Variants in TNN observed in about 807,000 individuals in gnomAD.
TNN encodes the protein tenascin N, also known as tenascin-N.
Under a neutral mutation model 134.4 loss-of-function variants are expected in TNN, and 122 were observed. The observed-to-expected ratio is 0.91, with a 90% CI of 0.78 to 1.06. The LOEUF is 1.06. TNN is among the 50% of genes least tolerant of loss of function. The pLI is 0.00. For synonymous variants in TNN, 710 were observed against 670.3 expected (o/e 1.06, Z -0.91); for missense variants, 1,739 against 1,699.4 (o/e 1.02, Z -0.41).
In TNN at chr1:175,098,497, T is replaced by C; in HGVS notation, c.2021T>C (p.Val674Ala). Residue 674 changes from valine to alanine, a missense_variant, in exon 9 of 19, where the codon GTC becomes GCC. Transcript: ENST00000239462. ...VPVGKEQSST[V>A]LTGLRPGMEY... Reference sequence around the variant, plus strand: ...GTGGGGAAGGAGCAGAGCAGCACAGTCCTGACAGGCCTGAGACCGGGTATG... The same window carrying C: ...GTGGGGAAGGAGCAGAGCAGCACAGCCCTGACAGGCCTGAGACCGGGTATG... The C allele has an allele frequency of 6.2e-7, 1 of 1,613,964 alleles. No homozygotes were observed. The highest frequency in any genetic ancestry group is 8.5e-7 in the Non-Finnish European group (1 of 1,179,960).
chr1:175,071,912 C>T (rs1406192739), intron 1 of TNN, among the ~76,000 whole-genome samples: 1 of 152,232 alleles, frequency 6.6e-6, no homozygotes, highest in Admixed American at 6.5e-5. Context: ...CAAAATATTA[C>T]TTTGGCAGGA....
chr1:175,127,316 A>G (rs1327463606), intron 13 of TNN, among the ~76,000 whole-genome samples: 1 of 152,258 alleles, frequency 6.6e-6, no homozygotes, highest in Non-Finnish European at 1.5e-5. Context: ...TGCATAGGAC[A>G]GTGCTTAGCA....
intron 15 of TNN, 93 bp downstream of exon 15, chr1:175,128,839 C>G (rs930125697): frequency 7.6e-7 from 1 of 1,313,628 alleles, no homozygotes; most frequent in Admixed American, 3.0e-5. Flanking sequence ...TGTTTGGAGC[C>G]CTATTTCTTC....
In TNN at chr1:175,094,006, C is replaced by A. The variant is rs749472964; in HGVS notation, c.1341C>A (p.Thr447=). Residue 447 remains threonine (T), a synonymous_variant, in exon 7 of 19, where the codon ACC becomes ACA. Transcript: ENST00000239462. The part of the protein sequence containing the change: ...LNGRTEIDSP[T]NVVTDRVTED... The stretch of plus-strand genomic sequence containing the variant: ...TTTATGAAGAAATTGACAGTCCAAC[C>A]AATGTTGTCACTGATCGAGTGACTG... 1.2e-5 allele frequency: 20 copies of A among 1,601,242 alleles called. No homozygotes were observed. Among genetic ancestry groups the A allele is most frequent in the Non-Finnish European group, 1.7e-5 (20 of 1,170,450 alleles).
chr1:175,116,906 T>C, intron 9 of TNN, 33 bp from the exon 10 acceptor site: 3 of 1,614,170 alleles, frequency 1.9e-6, no homozygotes, highest in Non-Finnish European at 2.5e-6. Flanking sequence ...TACCAGTTCA[T>C]AGTGTTCATT....
intron 9 of TNN, among the ~76,000 whole-genome samples, chr1:175,115,494 C>T (rs77358114): frequency 0.013 from 1,995 of 152,182 alleles, 42 homozygotes; most frequent in African/African-American, 0.046. Context: ...GATGTGGAGT[C>T]GTTCCACTGC....
At chr1:175,119,133 T>G (rs1675274148) in intron 11 of TNN, among the ~76,000 whole-genome samples, 1 of 152,064 alleles carries the variant, frequency 6.6e-6, no homozygotes, top group African/African-American at 2.4e-5. Context: ...GAAAGCAAGT[T>G]TATTAGGAAA....
chr1:175,117,808 A>G (rs1441473507), intron 10 of TNN, among the ~76,000 whole-genome samples: 2 of 152,208 alleles, frequency 1.3e-5, no homozygotes, highest in African/African-American at 2.4e-5. Flanking sequence ...CTTAAACAAG[A>G]AAGGAGCGTA....
Position 175,077,383 on chromosome 1 carries a change from G to C in TNN, c.-35-1G>C. ...TTCTTTTGCAATGTTTCTGAATACAGGCATCCTGGAGGGTCTGCTCCCTGT... is the reference window on the plus strand; with the variant it reads ...TTCTTTTGCAATGTTTCTGAATACACGCATCCTGGAGGGTCTGCTCCCTGT... On this transcript the variant is annotated splice_acceptor_variant, in intron 1 of 18. Coordinates refer to ENST00000239462, the MANE Select transcript of TNN (RefSeq NM_022093.2). LOFTEE classifies it low-confidence loss of function (5UTR_SPLICE). 3 of 1,571,210 alleles carry C rather than the reference G, an allele frequency of 1.9e-6. No individual in the cohort carries two copies. The highest frequency in any genetic ancestry group is 2.6e-6 in the Non-Finnish European group (3 of 1,157,964).
intron 11 of TNN, among the ~76,000 whole-genome samples, chr1:175,122,481 C>T (rs1443795669): frequency 7.9e-5 from 2 of 25,474 alleles, no homozygotes; most frequent in Non-Finnish European, 1.9e-4. Context: ...GAAGAAGAGC[C>T]AGTGAGTTAG....
At chr1:175,087,418 C>T (rs56226643) in intron 6 of TNN, among the ~76,000 whole-genome samples, 23,712 of 152,152 alleles carry the variant, frequency 0.16, 1,980 homozygotes, top group Non-Finnish European at 0.19. Flanking sequence ...ACCTTTTATC[C>T]GGCGTAGGAA....
intron 9 of TNN, among the ~76,000 whole-genome samples, chr1:175,113,168 C>T (rs74128574): frequency 0.14 from 21,358 of 152,088 alleles, 1,799 homozygotes; most frequent in East Asian, 0.35. Flanking sequence ...TTTCTATGTT[C>T]TCATGATTGT....
chr1:175,120,331 G>C lies in TNN; in HGVS notation c.2650+1507G>C, dbSNP rs1013847409. On this transcript the variant is annotated intron_variant, in intron 11 of 18. Coordinates refer to ENST00000239462, the MANE Select transcript of TNN (RefSeq NM_022093.2). The stretch of plus-strand genomic sequence containing the variant: ...CTGTGAAGGAGATGAACATGGTGTA[G>C]GTATAGAGAATTACAGGGTAAGGAT... Among the ~76,000 whole-genome samples the C allele has an allele frequency of 2.0e-5, 3 of 152,322 alleles. No homozygotes were observed. In the East Asian group the frequency reaches 5.8e-4, roughly 29 times the overall value.
At chr1:175,108,211 C>T (rs1186641243) in intron 9 of TNN, among the ~76,000 whole-genome samples, 1 of 151,810 alleles carries the variant, frequency 6.6e-6, no homozygotes, top group East Asian at 2.0e-4. Flanking sequence ...GGGGTATTTA[C>T]AATCCCTGAG....
intron 9 of TNN, among the ~76,000 whole-genome samples, chr1:175,109,454 G>C (rs896298009): frequency 4.0e-5 from 6 of 151,866 alleles, no homozygotes; most frequent in African/African-American, 1.5e-4. Flanking sequence ...ACACTTCCTA[G>C]CCTCTGGCAA....
At chr1:175,089,317 G>A (rs868718791) in intron 6 of TNN, among the ~76,000 whole-genome samples, 1 of 152,194 alleles carries the variant, frequency 6.6e-6, no homozygotes, top group Non-Finnish European at 1.5e-5. Context: ...GAGGCACCCA[G>A]TGTAACTAAC....
chr1:175,070,127 GC>G (rs1295590518), intron 1 of TNN, among the ~76,000 whole-genome samples: 1 of 152,168 alleles, frequency 6.6e-6, no homozygotes, highest in Non-Finnish European at 1.5e-5. Context: ...TCCCACAAAA[GC>G]TAAAGGAAGT....
intron 17 of TNN, among the ~76,000 whole-genome samples, chr1:175,143,910 T>C (rs1675998107): frequency 7.2e-6 from 1 of 139,848 alleles, no homozygotes; most frequent in South Asian, 2.5e-4. Flanking sequence ...GTGGCTGTCA[T>C]GGGAGCAGAG....
At position 175,093,984 on chromosome 1, in the gene TNN, A is replaced by G; in HGVS notation, c.1325-6A>G. The stretch of plus-strand genomic sequence containing the variant: ...TGATTTTTCTTTCTCATGTGTTTTT[A>G]TGAAGAAATTGACAGTCCAACCAAT... On this transcript the variant is annotated splice_region_variant and splice_polypyrimidine_tract_variant and intron_variant, in intron 6 of 18. Coordinates refer to ENST00000239462, the MANE Select transcript of TNN (RefSeq NM_022093.2). 1 of 1,581,620 alleles carries G rather than the reference A, an allele frequency of 6.3e-7. No homozygotes were observed. Among genetic ancestry groups the G allele is most frequent in the Non-Finnish European group, 8.6e-7 (1 of 1,156,330 alleles).
Sources: gnomAD v4.1 joint callset for allele counts (sites outside exome capture counted in the v4.1 genomes callset) on GRCh38, gnomAD v4.1.1 for gene constraint, MANE v1.5 for transcripts, NCBI Gene and HGNC (gene_info 2026-07-23, HGNC 2026-07-21) for gene names.